OPCML: variants seen among roughly 807,000 people sequenced by gnomAD.
OPCML encodes the protein opioid-binding protein/cell adhesion molecule.
OPCML carries 13 observed loss-of-function variants against 37.8 expected under a neutral mutation model. The observed-to-expected ratio is 0.34, with a 90% CI of 0.22 to 0.55. OPCML has a LOEUF of 0.55. Ranked by LOEUF, OPCML falls within the 20% of genes least tolerant of loss-of-function variation. The pLI is 0.91. For synonymous variants in OPCML, 176 were observed against 168.8 expected, an observed-to-expected ratio of 1.04 and a Z score of -0.33; for missense variants, 341 against 435.6, an observed-to-expected ratio of 0.78 and a Z score of 1.93.
At chr11:132,546,806 G>T (rs143562181) in intron 3 of OPCML, among the ~76,000 whole-genome samples, 2 of 152,110 alleles carry the variant, frequency 1.3e-5, no homozygotes, top group Admixed American at 6.6e-5. Flanking sequence ...CAGTGCCGGG[G>T]GTGGTGGCAG....
intron 4 of OPCML, among the ~76,000 whole-genome samples, chr11:132,491,450 G>T (rs912756971): frequency 1.3e-5 from 2 of 152,180 alleles, no homozygotes; most frequent in Admixed American, 6.5e-5. Flanking sequence ...GATTCCCTCG[G>T]CTGGACAGCC....
intron 2 of OPCML, among the ~76,000 whole-genome samples, chr11:132,775,295 G>T (rs903941767): frequency 1.3e-5 from 2 of 152,196 alleles, no homozygotes; most frequent in Non-Finnish European, 2.9e-5. Context: ...CTGAAGGTTT[G>T]CTTGCTTATT....
chr11:132,444,180 T>C (rs1390866377), intron 4 of OPCML, among the ~76,000 whole-genome samples: 3 of 152,080 alleles, frequency 2.0e-5, no homozygotes, highest in Non-Finnish European at 4.4e-5. Flanking sequence ...CAGCCTTATG[T>C]CTTCTTAACT....
At chr11:132,803,360 G>A (rs1938797236) in intron 2 of OPCML, among the ~76,000 whole-genome samples, 1 of 152,170 alleles carries the variant, frequency 6.6e-6, no homozygotes, top group Non-Finnish European at 1.5e-5. Flanking sequence ...TTTTAAACGA[G>A]CTTCTTTTGG....
At chr11:133,230,605 T>G (rs1281197537) in intron 1 of OPCML, among the ~76,000 whole-genome samples, 1 of 152,208 alleles carries the variant, frequency 6.6e-6, no homozygotes, top group Non-Finnish European at 1.5e-5. Context: ...GCACTTCGCA[T>G]TCCTAGAATG....
intron 1 of OPCML, among the ~76,000 whole-genome samples, chr11:133,193,437 G>GGTAAT (rs1938404752): frequency 6.6e-6 from 1 of 152,126 alleles, no homozygotes; most frequent in Non-Finnish European, 1.5e-5. Flanking sequence ...AGAAGTAGGA[G>GGTAAT]GTAATTCCCA....
At chr11:133,309,126 T>C (rs1943007411) in intron 1 of OPCML, among the ~76,000 whole-genome samples, 1 of 152,096 alleles carries the variant, frequency 6.6e-6, no homozygotes, top group South Asian at 2.1e-4. Context: ...CTCAAAAAAA[T>C]GGGCAGAAGT....
In OPCML at chr11:132,463,810, A is replaced by T. The variant is rs557200581; in HGVS notation, c.506-26451T>A. Among the ~76,000 whole-genome samples, 7 of 152,344 alleles carry T rather than the reference A, an allele frequency of 4.6e-5. No homozygotes were observed. The East Asian group carries it at 1.2e-3, about 25-fold the overall frequency. ...CCCCTCCCCTGGGAATTATGGCTCC[A>T]TAGTGTCTGAAATGCTGATAGGTTT... On this transcript the variant is annotated intron_variant, in intron 4 of 7. Transcript: ENST00000524381.
chr11:133,480,633 C>T (rs561825181), intron 1 of OPCML, among the ~76,000 whole-genome samples: 17 of 152,236 alleles, frequency 1.1e-4, no homozygotes, highest in Non-Finnish European at 2.4e-4. Context: ...AACCTCCTAT[C>T]ATGCATGAAA....
intron 1 of OPCML, among the ~76,000 whole-genome samples, chr11:133,352,069 C>A (rs1395246334): frequency 6.6e-6 from 1 of 152,124 alleles, no homozygotes; most frequent in Non-Finnish European, 1.5e-5. Context: ...CCTATTTATG[C>A]TCCTTCTCCC....
intron 1 of OPCML, among the ~76,000 whole-genome samples, chr11:133,148,527 T>C (rs989739800): frequency 2.6e-5 from 4 of 152,208 alleles, no homozygotes; most frequent in African/African-American, 9.6e-5. Flanking sequence ...CTGTCCACTT[T>C]GCAGGAGACT....
At chr11:133,239,544 A>C (rs1369763351) in intron 1 of OPCML, among the ~76,000 whole-genome samples, 1 of 152,216 alleles carries the variant, frequency 6.6e-6, no homozygotes, top group East Asian at 1.9e-4. Flanking sequence ...GTGCTTCAGG[A>C]ATGTCACAGC....
chr11:133,184,972 A>G (rs1938007637), intron 1 of OPCML, among the ~76,000 whole-genome samples: 1 of 152,126 alleles, frequency 6.6e-6, no homozygotes, highest in African/African-American at 2.4e-5. Context: ...TTTTTGTTCG[A>G]TGGCTGGCTT....
intron 1 of OPCML, among the ~76,000 whole-genome samples, chr11:133,472,033 T>C (rs1165542705): frequency 6.6e-6 from 1 of 152,212 alleles, no homozygotes; most frequent in Non-Finnish European, 1.5e-5. Flanking sequence ...ACCCCACCTA[T>C]TGGCTGACTT....
chr11:132,553,481 C>T (rs1381682412), intron 3 of OPCML, among the ~76,000 whole-genome samples: 1 of 152,004 alleles, frequency 6.6e-6, no homozygotes, highest in Non-Finnish European at 1.5e-5. Flanking sequence ...TGCATGCACA[C>T]CAGGAGAAAG....
At position 132,837,088 on chromosome 11, in the gene OPCML, GT is replaced by G. The variant is rs550560713; in HGVS notation, c.146+105837del. On this transcript the variant is annotated intron_variant, in intron 2 of 7. Coordinates refer to ENST00000524381, the MANE Select transcript of OPCML (RefSeq NM_001012393.5). ...CCAGCACTTTGAAAGGCCAAGTCGG[GT>G]GGATCACCTGAGGTCGGGAGTTCGA... Among the ~76,000 whole-genome samples the G allele has an allele frequency of 1.1e-3, 168 of 152,264 alleles. 3 individuals are homozygous for G. The South Asian group carries it at 0.034, about 30-fold the overall frequency.
chr11:133,207,053 C>T (rs772044537), intron 1 of OPCML, among the ~76,000 whole-genome samples: 3 of 149,796 alleles, frequency 2.0e-5, no homozygotes, highest in Non-Finnish European at 3.0e-5. Flanking sequence ...TTTGGGAGGC[C>T]GAGGCGGGCG....
At chr11:133,051,476 G>A (rs1006756886) in intron 1 of OPCML, among the ~76,000 whole-genome samples, 3 of 152,086 alleles carry the variant, frequency 2.0e-5, no homozygotes, top group Admixed American at 6.5e-5. Context: ...ACTACACTAT[G>A]CTTCTCTTCT....
intron 1 of OPCML, among the ~76,000 whole-genome samples, chr11:132,993,608 G>C (rs1317629566): frequency 1.3e-5 from 2 of 152,208 alleles, no homozygotes; most frequent in East Asian, 1.9e-4. Flanking sequence ...TACTTACAAA[G>C]GGCAGAACAC....
Sources: gnomAD v4.1 joint callset for allele counts (sites outside exome capture counted in the v4.1 genomes callset) on GRCh38, gnomAD v4.1.1 for gene constraint, MANE v1.5 for transcripts, NCBI Gene and HGNC (gene_info 2026-07-23, HGNC 2026-07-21) for gene names.